SENP6: variants seen among roughly 807,000 people sequenced by gnomAD.
The protein encoded by SENP6 is SUMO specific peptidase 6.
In SENP6, 41 loss-of-function variants were observed where a neutral mutation model predicts 134.5. The observed-to-expected ratio is 0.30, with a 90% CI of 0.24 to 0.40. SENP6 has a LOEUF of 0.40. Ranked by LOEUF, SENP6 falls within the 10% of genes least tolerant of loss-of-function variation. SENP6 has a pLI of 1.00. For missense variants in SENP6, 1,248 were observed against 1,312.5 expected (o/e 0.95, Z 0.76); for synonymous variants, 395 against 429.8 (o/e 0.92, Z 1.00).
chr6:75,707,523 C>T (rs991637245), intron 19 of SENP6, among the ~76,000 whole-genome samples: 6 of 151,326 alleles, frequency 4.0e-5, no homozygotes, highest in Non-Finnish European at 7.4e-5. Context: ...GTCACCTGCC[C>T]GGCAAAATTT....
At chr6:75,665,980 C>T (rs899420403) in intron 9 of SENP6, among the ~76,000 whole-genome samples, 4 of 150,600 alleles carry the variant, frequency 2.7e-5, no homozygotes, top group African/African-American at 4.9e-5. Flanking sequence ...GAGACAAGAT[C>T]GCGCACTGTA....
intron 18 of SENP6, among the ~76,000 whole-genome samples, chr6:75,698,537 G>C (rs1173380321): frequency 2.6e-5 from 4 of 151,856 alleles, no homozygotes; most frequent in African/African-American, 9.7e-5. Flanking sequence ...GTCTCACTGT[G>C]TTGCTCAGGC....
intron 23 of SENP6, 44 bp downstream of exon 23, chr6:75,713,869 A>G: frequency 7.2e-7 from 1 of 1,384,158 alleles, no homozygotes; most frequent in Non-Finnish European, 9.8e-7. Flanking sequence ...ATAATAAAAT[A>G]GTGCATTTGA....
intron 1 of SENP6, among the ~76,000 whole-genome samples, chr6:75,604,397 C>G (rs1458794625): frequency 6.6e-6 from 1 of 152,110 alleles, no homozygotes; most frequent in Non-Finnish European, 1.5e-5. Context: ...TTTGGAGGGC[C>G]GAGGCAGGCG....
At chr6:75,687,360 A>G (rs111989583) in intron 16 of SENP6, among the ~76,000 whole-genome samples, 2,374 of 152,184 alleles carry the variant, frequency 0.016, 63 homozygotes, top group African/African-American at 0.055. Context: ...TTTAGCTCGG[A>G]GAAGTTTGTT....
chr6:75,667,597 C>G (rs975047834), intron 10 of SENP6, among the ~76,000 whole-genome samples: 5 of 152,036 alleles, frequency 3.3e-5, no homozygotes, highest in South Asian at 2.1e-4. Flanking sequence ...GTCAAGAATC[C>G]AAGGGAAAGG....
At chr6:75,605,027 C>T (rs972894327) in intron 1 of SENP6, among the ~76,000 whole-genome samples, 3 of 152,028 alleles carry the variant, frequency 2.0e-5, no homozygotes, top group African/African-American at 7.2e-5. Flanking sequence ...GAGCCGAGAT[C>T]GCACCATTCG....
rs772026117 is a variant in SENP6 at position 75,666,945 on chromosome 6, CTT to C, written c.1224+7_1224+8del. On this transcript the variant is annotated splice_donor_5th_base_variant and intron_variant, in intron 10 of 23. Transcript: ENST00000447266. ...AAAAGCAAGAATGAAAGACCAGGTA[CTT>C]TTCACTTTTGTTGACATTTGTTCAG... 1 of 1,571,752 alleles carries C rather than the reference CTT, an allele frequency of 6.4e-7. No homozygotes were observed. The highest frequency in any genetic ancestry group is 8.7e-7 in the Non-Finnish European group (1 of 1,147,996).
At chr6:75,614,772 T>C (rs1767724487) in intron 1 of SENP6, among the ~76,000 whole-genome samples, 1 of 152,234 alleles carries the variant, frequency 6.6e-6, no homozygotes, top group African/African-American at 2.4e-5. Context: ...TGTACTTGAA[T>C]AGACTTGCTG....
In SENP6 at chr6:75,638,242, G is replaced by GTT. The variant is rs59853416; in HGVS notation, c.459-2429_459-2428dup. Among the ~76,000 whole-genome samples, 622 of 142,306 alleles carry GTT rather than the reference G, an allele frequency of 4.4e-3. 3 individuals carry two copies. Among genetic ancestry groups the GTT allele is most frequent in the South Asian group, 9.7e-3 (44 of 4,530 alleles). 93.4% of individuals were successfully genotyped at this position (142,306 alleles called of 152,430 possible). A position where few individuals can be genotyped will look rare whatever the true frequency, so the allele number is the denominator to read the frequency against. On this transcript the variant is annotated intron_variant, in intron 5 of 23. Coordinates refer to ENST00000447266, the MANE Select transcript of SENP6 (RefSeq NM_015571.4). ...TATTAGTCTTTTTCCCTTTTCTTTT[G>GTT]TTTTTTTTTTTTTTAATTTTAAGGC...
chr6:75,680,322 T>C (rs1039941859), intron 16 of SENP6, among the ~76,000 whole-genome samples: 2 of 152,170 alleles, frequency 1.3e-5, no homozygotes, highest in African/African-American at 4.8e-5. Flanking sequence ...GTCTGTGATA[T>C]AACAAAAGGA....
At chr6:75,669,089 C>G (rs2149871873) in intron 10 of SENP6, among the ~76,000 whole-genome samples, 1 of 152,312 alleles carries the variant, frequency 6.6e-6, no homozygotes, top group Non-Finnish European at 1.5e-5. Flanking sequence ...GTGGCTCACA[C>G]CTGTAATCCC....
intron 7 of SENP6, among the ~76,000 whole-genome samples, chr6:75,648,011 T>C (rs1465207586): frequency 1.3e-5 from 2 of 152,214 alleles, no homozygotes; most frequent in African/African-American, 2.4e-5. Flanking sequence ...TTTGAAATCT[T>C]TTGATTATTT....
chr6:75,694,254 C>CT (rs1430249370), intron 16 of SENP6, among the ~76,000 whole-genome samples: 13 of 152,152 alleles, frequency 8.5e-5, no homozygotes, highest in Admixed American at 6.5e-4. Context: ...GAGTGAAACT[C>CT]TTATCTCAAA....
intron 16 of SENP6, among the ~76,000 whole-genome samples, chr6:75,695,001 A>G (rs1452383061): frequency 6.6e-6 from 1 of 151,980 alleles, no homozygotes; most frequent in East Asian, 1.9e-4. Context: ...CAGCCTCCCA[A>G]GTAGCTGGGA....
intron 18 of SENP6, among the ~76,000 whole-genome samples, chr6:75,700,171 A>AT (rs35075947): frequency 0.31 from 46,904 of 152,028 alleles, 7,880 homozygotes; most frequent in African/African-American, 0.45. Flanking sequence ...TCAGCCTCCC[A>AT]TAGCACCAGG....
At chr6:75,620,120 C>T (rs920714998) in intron 1 of SENP6, among the ~76,000 whole-genome samples, 4 of 150,192 alleles carry the variant, frequency 2.7e-5, no homozygotes, top group African/African-American at 9.8e-5. Flanking sequence ...AATAAGCTTT[C>T]CTAATGGGTG....
chr6:75,613,216 A>G (rs1228738573), intron 1 of SENP6, among the ~76,000 whole-genome samples: 1 of 152,152 alleles, frequency 6.6e-6, no homozygotes. Flanking sequence ...ATTTTTAATG[A>G]CTGGAGGGAA....
At position 75,702,944 on chromosome 6, in the gene SENP6, A is replaced by AAAT. The variant is rs781752851; in HGVS notation, c.2591_2593dup (p.Ile864dup). The AAAT allele has an allele frequency of 6.2e-7, 1 of 1,614,152 alleles. No individual in the cohort carries two copies. The highest frequency in any genetic ancestry group is 8.5e-7 in the Non-Finnish European group (1 of 1,179,990). ...TGCAGTGTAAAATACAGTGTGAAAA[A>AAAT]AATAAATCATACTGCGAGTGAAAAT... On this transcript the variant is annotated inframe_insertion, in exon 19 of 24. Coordinates refer to ENST00000447266, the MANE Select transcript of SENP6 (RefSeq NM_015571.4).
Sources: allele counts gnomAD v4.1 joint callset (sites outside exome capture counted in the v4.1 genomes callset), GRCh38; gene constraint gnomAD v4.1.1; transcripts MANE v1.5; gene names NCBI Gene and HGNC (gene_info 2026-07-23, HGNC 2026-07-21).